The following TULP4 variants were observed in gnomAD, a reference collection of about 807,000 sequenced individuals.
The protein encoded by TULP4 is TUB like protein 4.
In TULP4, 16 loss-of-function variants were observed where a neutral mutation model predicts 129.0. The observed-to-expected ratio is 0.12, with a 90% confidence interval of 0.08 to 0.19. TULP4 has a LOEUF of 0.19. Among genes scored for constraint, TULP4 ranks in the 10% least tolerant of loss-of-function variants. The pLI is 1.00. For missense variants in TULP4, 1,842 were observed against 2,059.1 expected (o/e 0.89, Z 2.04); for synonymous variants, 998 against 854.0 (o/e 1.17, Z -2.94).
At chr6:158,236,177 T>A (rs964218857) in intron 1 of TULP4, among the ~76,000 whole-genome samples, 1 of 152,228 alleles carries the variant, frequency 6.6e-6, no homozygotes, top group African/African-American at 2.4e-5. Context: ...TTAATAGAAT[T>A]CCAGTATGGG....
intron 5 of TULP4, among the ~76,000 whole-genome samples, chr6:158,457,094 T>A (rs547086078): frequency 2.7e-4 from 41 of 152,294 alleles, no homozygotes; most frequent in Non-Finnish European, 5.3e-4. Flanking sequence ...CACATGGCAA[T>A]GTTTTTAGCC....
chr6:158,323,724 G>A (rs1779686904), intron 1 of TULP4, among the ~76,000 whole-genome samples: 1 of 152,196 alleles, frequency 6.6e-6, no homozygotes, highest in South Asian at 2.1e-4. Flanking sequence ...GAATGTTTGT[G>A]GATTCAGTGA....
chr6:158,375,235 C>T, intron 1 of TULP4, among the ~76,000 whole-genome samples: 1 of 152,172 alleles, frequency 6.6e-6, no homozygotes, highest in Non-Finnish European at 1.5e-5. Context: ...CAGAGTGAGA[C>T]TCCATCTCAG....
intron 1 of TULP4, among the ~76,000 whole-genome samples, chr6:158,381,430 G>C (rs1465968789): frequency 6.6e-6 from 1 of 152,200 alleles, no homozygotes; most frequent in African/African-American, 2.4e-5. Flanking sequence ...GCTTAATAGA[G>C]CCTTATGGCA....
intron 1 of TULP4, among the ~76,000 whole-genome samples, chr6:158,257,802 C>T (rs995935965): frequency 2.0e-5 from 3 of 152,192 alleles, no homozygotes; most frequent in African/African-American, 7.2e-5. Context: ...CTCAAAGCAG[C>T]GGTACGAAAT....
intron 5 of TULP4, among the ~76,000 whole-genome samples, chr6:158,453,915 T>A (rs1459337121): frequency 6.6e-6 from 1 of 150,712 alleles, no homozygotes; most frequent in Non-Finnish European, 1.5e-5. Flanking sequence ...ACCGCACCAC[T>A]GCATTCCGGC....
chr6:158,306,987 C>T (rs893504009), intron 1 of TULP4, among the ~76,000 whole-genome samples: 2 of 152,084 alleles, frequency 1.3e-5, no homozygotes, highest in African/African-American at 4.8e-5. Context: ...CACCACTGTA[C>T]TCCAGCCTGG....
chr6:158,279,267 A>G (rs1045035245), upstream of TULP4, among the ~76,000 whole-genome samples: 4 of 152,130 alleles, frequency 2.6e-5, no homozygotes, highest in African/African-American at 9.7e-5. Flanking sequence ...AAAATGTAGA[A>G]CAATAAGTAG....
rs1482997418 is a variant in TULP4, at chr6:158,270,154, C to T, written n.68+37851C>T. ...TCTTCTATATATCTTTAATAGCCTT[C>T]TATTTATCTTAAGAACTCTGGCTTA... On this transcript the variant is annotated intron_variant and non_coding_transcript_variant, in intron 1 of 1. Coordinates refer to the TULP4 transcript ENST00000620026. Among the ~76,000 whole-genome samples, 5 of 152,192 alleles carry T rather than the reference C, an allele frequency of 3.3e-5. No homozygotes were observed. The East Asian group carries it at 7.7e-4, about 23-fold the overall frequency.
intron 1 of TULP4, among the ~76,000 whole-genome samples, chr6:158,369,236 G>T (rs1777015441): frequency 6.6e-6 from 1 of 152,146 alleles, no homozygotes; most frequent in South Asian, 2.1e-4. Context: ...CTCACACCTA[G>T]AAATTCCAGA....
intron 5 of TULP4, among the ~76,000 whole-genome samples, chr6:158,456,110 G>A (rs1583897481): frequency 6.6e-6 from 1 of 152,284 alleles, no homozygotes; most frequent in South Asian, 2.1e-4. Context: ...GGAGGTAGAC[G>A]TTACCTTGTT....
chr6:158,251,145 G>A (rs1778132590), intron 1 of TULP4, among the ~76,000 whole-genome samples: 1 of 152,176 alleles, frequency 6.6e-6, no homozygotes, highest in African/African-American at 2.4e-5. Context: ...TCTTCATTTT[G>A]TGTCCGCCTG....
chr6:158,232,538 G>T lies in TULP4; in HGVS notation n.68+235G>T, dbSNP rs536672985. ...GCCCGGCGGCCGTGGCCGCTGCTTG[G>T]CTGTGGGAGCCTTTTGTCTCCGCGT... On this transcript the variant is annotated intron_variant and non_coding_transcript_variant, in intron 1 of 1. Coordinates refer to the TULP4 transcript ENST00000620026. Among the ~76,000 whole-genome samples the T allele has an allele frequency of 1.5e-4, 23 of 151,900 alleles. 1 individual carries two copies. In the East Asian group the frequency reaches 4.5e-3, roughly 29 times the overall value.
intron 1 of TULP4, among the ~76,000 whole-genome samples, chr6:158,268,460 A>C (rs761593225): frequency 2.4e-4 from 36 of 152,184 alleles, no homozygotes; most frequent in Non-Finnish European, 5.1e-4. Context: ...TGCTATAACA[A>C]AATACCTTAG....
intron 6 of TULP4, among the ~76,000 whole-genome samples, chr6:158,472,352 G>C (rs540004785): frequency 6.6e-6 from 1 of 152,114 alleles, no homozygotes; most frequent in African/African-American, 2.4e-5. Flanking sequence ...AAGAGAAAAG[G>C]CCCTGACTGA....
intron 1 of TULP4, among the ~76,000 whole-genome samples, chr6:158,360,325 C>T (rs1164629914): frequency 6.6e-6 from 1 of 152,056 alleles, no homozygotes; most frequent in Non-Finnish European, 1.5e-5. Context: ...TGGTAGGGTC[C>T]AGGGCCTCAA....
At chr6:158,486,038 A>C (rs1165379968) in intron 8 of TULP4, among the ~76,000 whole-genome samples, 1 of 152,200 alleles carries the variant, frequency 6.6e-6, no homozygotes, top group Non-Finnish European at 1.5e-5. Context: ...TATTGAAATA[A>C]GTTAAGACTT....
intron 1 of TULP4, among the ~76,000 whole-genome samples, chr6:158,380,087 T>TA (rs142028885): frequency 0.19 from 29,414 of 152,094 alleles, 3,609 homozygotes; most frequent in Middle Eastern, 0.28. Flanking sequence ...AAGGAGGAAC[T>TA]AAAGATGCTG....
rs765517748 is a variant in TULP4 at position 158,366,028 on chromosome 6, TA to T, written c.253-47036del. On this transcript the variant is annotated intron_variant, in intron 1 of 13. Transcript: ENST00000367097. ...TGCCATTCTCCTGCCTCAGCCTCCC[TA>T]GTAGCTGGGACTACAGGTGCCTGCC... Among the ~76,000 whole-genome samples the T allele has an allele frequency of 5.4e-4, 80 of 148,080 alleles. 1 individual carries two copies. The highest frequency in any genetic ancestry group is 9.1e-4 in the Non-Finnish European group (61 of 67,012).
Sources: allele counts gnomAD v4.1 joint callset (sites outside exome capture counted in the v4.1 genomes callset), GRCh38; gene constraint gnomAD v4.1.1; transcripts MANE v1.5; gene names NCBI Gene and HGNC (gene_info 2026-07-23, HGNC 2026-07-21).